Variants in OR7E24 observed in about 807,000 individuals in gnomAD.
OR7E24 encodes the protein olfactory receptor 7E24.
For synonymous variants in OR7E24, 130 were observed against 157.5 expected, an observed-to-expected ratio of 0.83 and a Z score of 1.31; for missense variants, 385 against 410.3, an observed-to-expected ratio of 0.94 and a Z score of 0.53.
rs764692956 is a variant in OR7E24 at position 9,252,590 on chromosome 19, A to C, written c.*527A>C. 1 of 153,712 alleles carries C rather than the reference A, an allele frequency of 6.5e-6. No homozygotes were observed. Among genetic ancestry groups the C allele is most frequent in the Non-Finnish European group, 1.4e-5 (1 of 69,178 alleles). 9.5% of individuals were successfully genotyped at this position (153,712 alleles called of 1,614,324 possible). A position where few individuals can be genotyped will look rare whatever the true frequency, so the allele number is the denominator to read the frequency against. On this transcript the variant is annotated 3_prime_UTR_variant, in exon 1 of 1. Transcript: ENST00000456448. ...ACAGTTCCTGTGTAATTTCTGTCCA[A>C]ATCGCATCTAGGAAATCACTTTAGG...
chr19:9,234,344 A>G, the OR7E24 span, among the ~76,000 whole-genome samples: 1 of 152,204 alleles, frequency 6.6e-6, no homozygotes, highest in Non-Finnish European at 1.5e-5. Flanking sequence ...ACTATCTTAT[A>G]AGAAGAAGGA....
chr19:9,248,091 T>C (rs1215257399), upstream of OR7E24, among the ~76,000 whole-genome samples: 2 of 152,190 alleles, frequency 1.3e-5, no homozygotes, highest in African/African-American at 2.4e-5. Context: ...ATTCCTCCCA[T>C]GCTGATTGAA....
Position 9,252,026 on chromosome 19 carries a change from A to C in OR7E24, c.983A>C (p.Lys328Thr). Reference protein sequence around the residue: ...ALCRLHGRIIKSHHLHPFCYM... With the variant: ...ALCRLHGRIITSHHLHPFCYM... Reference sequence around the variant, plus strand: ...TGCAGGCTGCATGGCAGAATCATCAAATCTCATCATCTCCATCCTTTTTGT... The same window carrying C: ...TGCAGGCTGCATGGCAGAATCATCACATCTCATCATCTCCATCCTTTTTGT... The change falls in exon 1 of 1, where the codon AAA becomes ACA. Residue 328 changes from lysine (K) to threonine (T), a missense_variant. Lys to Thr is a moderately conservative substitution (Grantham distance 78). Transcript: ENST00000456448. 1 of 1,614,106 alleles carries C rather than the reference A, an allele frequency of 6.2e-7. No homozygotes were observed.
chr19:9,247,670 A>G (rs2066134394), upstream of OR7E24, among the ~76,000 whole-genome samples: 1 of 152,258 alleles, frequency 6.6e-6, no homozygotes, highest in African/African-American at 2.4e-5. Flanking sequence ...GTTTATGTTC[A>G]GGGTTGTGTG....
At chr19:9,235,092 A>C in the OR7E24 span, 4 of 667,844 alleles carry the variant, frequency 6.0e-6, no homozygotes, top group Admixed American at 8.0e-5. Flanking sequence ...GTGATATTGA[A>C]GAGTGATTGA....
chr19:9,213,177 G>C, the OR7E24 span: 1 of 152,084 alleles, frequency 6.6e-6, no homozygotes, highest in African/African-American at 2.4e-5. Context: ...CAGAGGACAA[G>C]AAAAAACTAT....
the OR7E24 span, among the ~76,000 whole-genome samples, chr19:9,234,124 G>A: frequency 5.3e-5 from 8 of 151,980 alleles, no homozygotes; most frequent in South Asian, 2.1e-4. Context: ...GGCTGGTCTC[G>A]AACTCCTGAC....
chr19:9,214,172 G>C, the OR7E24 span: 1 of 1,614,166 alleles, frequency 6.2e-7, no homozygotes, highest in Non-Finnish European at 8.5e-7. Flanking sequence ...TTAAGGAGGA[G>C]ACAATCTGAG....
the OR7E24 span, among the ~76,000 whole-genome samples, chr19:9,226,929 G>A: frequency 6.6e-6 from 1 of 152,096 alleles, no homozygotes; most frequent in Non-Finnish European, 1.5e-5. Flanking sequence ...GGGTACAAGT[G>A]CAGGTTTGTC....
chr19:9,234,863 G>A, the OR7E24 span, among the ~76,000 whole-genome samples: 2 of 152,166 alleles, frequency 1.3e-5, no homozygotes, highest in African/African-American at 4.8e-5. Flanking sequence ...AAGACATGGC[G>A]AGTCTGCAGT....
chr19:9,232,176 C>T, the OR7E24 span, among the ~76,000 whole-genome samples: 1 of 152,094 alleles, frequency 6.6e-6, no homozygotes, highest in Non-Finnish European at 1.5e-5. Flanking sequence ...TGGGAAAAGG[C>T]TACCTGGGGG....
At chr19:9,207,899 C>T in the OR7E24 span, 23,022 of 152,134 alleles carry the variant, frequency 0.15, 1,998 homozygotes, top group East Asian at 0.23. Flanking sequence ...TGTTTAGAGG[C>T]TGCTGCCTTC....
chr19:9,251,840 T>G lies in OR7E24; in HGVS notation c.797T>G (p.Val266Gly), dbSNP rs756402536. 5 of 1,613,972 alleles carry G rather than the reference T, an allele frequency of 3.1e-6. No individual in the cohort carries two copies. Among genetic ancestry groups the G allele is most frequent in the Non-Finnish European group, 1.7e-6 (2 of 1,179,926 alleles). The change falls in exon 1 of 1, where the codon GTT becomes GGT. Residue 266 changes from valine (V) to glycine (G), a missense_variant. Val to Gly is a moderately radical substitution (Grantham distance 109). Transcript: ENST00000456448. ...ACCTGTGGCTCTCACCTGGCAGTTG[T>G]TTGCTTATTTTATGGAACAGGGCTT... Reference protein sequence around the residue: ...FSTCGSHLAVVCLFYGTGLVG... With the variant: ...FSTCGSHLAVGCLFYGTGLVG...
chr19:9,208,624 A>T, the OR7E24 span: 1 of 151,820 alleles, frequency 6.6e-6, no homozygotes, highest in African/African-American at 2.4e-5. Context: ...ACCAGCAAAC[A>T]TGAACTCTCC....
At chr19:9,209,432 G>T in the OR7E24 span, 2 of 152,034 alleles carry the variant, frequency 1.3e-5, no homozygotes, top group Non-Finnish European at 2.9e-5. Flanking sequence ...TTAATTTTAG[G>T]GCCTGGCATG....
At chr19:9,222,018 T>C in the OR7E24 span, among the ~76,000 whole-genome samples, 1 of 152,226 alleles carries the variant, frequency 6.6e-6, no homozygotes, top group South Asian at 2.1e-4. Context: ...AAATACCTAA[T>C]TTCATTCTTC....
At chr19:9,249,028 A>G (rs1302759213), upstream of OR7E24, among the ~76,000 whole-genome samples, 1 of 152,224 alleles carries the variant, frequency 6.6e-6, no homozygotes, top group Non-Finnish European at 1.5e-5. Context: ...ATGATTAAAC[A>G]GACCGTGTGT....
the OR7E24 span, among the ~76,000 whole-genome samples, chr19:9,215,640 T>C: frequency 0.013 from 2,016 of 152,220 alleles, 55 homozygotes; most frequent in African/African-American, 0.047. Context: ...ATTAAATTAT[T>C]GATATTACTT....
At chr19:9,208,446 A>T in the OR7E24 span, 1 of 152,220 alleles carries the variant, frequency 6.6e-6, no homozygotes, top group Non-Finnish European at 1.5e-5. Context: ...CTTTTAAAAC[A>T]TATGTCTTTG....
Sources: allele counts gnomAD v4.1 joint callset (sites outside exome capture counted in the v4.1 genomes callset), GRCh38; gene constraint gnomAD v4.1.1; transcripts MANE v1.5; gene names NCBI Gene and HGNC (gene_info 2026-07-23, HGNC 2026-07-21).